MACROD2: variants seen among roughly 807,000 people sequenced by gnomAD.
MACROD2 encodes mono-ADP ribosylhydrolase 2, also known as ADP-ribose glycohydrolase MACROD2.
Under a neutral mutation model 70.4 loss-of-function variants are expected in MACROD2, and 36 were observed. The observed-to-expected ratio is 0.51, with a 90% CI of 0.39 to 0.68. The LOEUF (loss-of-function observed/expected upper bound fraction) is 0.68, where lower values mean the gene tolerates loss of function less well. Among genes scored for constraint, MACROD2 ranks in the 30% least tolerant of loss-of-function variants. The probability of loss-of-function intolerance (pLI) is 0.00; values close to 1 mark genes in which losing one functional copy is unlikely to be tolerated. For missense variants in MACROD2, 496 were observed against 538.4 expected (o/e 0.92, Z 0.78); for synonymous variants, 172 against 178.8 (o/e 0.96, Z 0.30).
intron 15 of MACROD2, among the ~76,000 whole-genome samples, chr20:16,000,259 A>G (rs1450615626): frequency 6.6e-6 from 1 of 152,208 alleles, no homozygotes; most frequent in Non-Finnish European, 1.5e-5. Flanking sequence ...CTTTGTCAAC[A>G]CACACAGACA....
intron 5 of MACROD2, among the ~76,000 whole-genome samples, chr20:15,125,963 TAA>T (rs2076063329): frequency 8.5e-4 from 126 of 147,398 alleles, no homozygotes; most frequent in Non-Finnish European, 1.4e-3. Flanking sequence ...CTGTTTTCTT[TAA>T]CTTAATGTTT....
chr20:14,282,738 A>G (rs6042648), intron 3 of MACROD2, among the ~76,000 whole-genome samples: 100,024 of 152,032 alleles, frequency 0.66, 33,779 homozygotes, highest in Non-Finnish European at 0.74. Context: ...GAGCAGGCGT[A>G]TCACATGGTG....
At chr20:14,968,332 T>C (rs2074657634) in intron 5 of MACROD2, among the ~76,000 whole-genome samples, 1 of 152,140 alleles carries the variant, frequency 6.6e-6, no homozygotes, top group Non-Finnish European at 1.5e-5. Flanking sequence ...CTCAGCCCTG[T>C]GTGGTCCTTT....
At chr20:15,292,323 T>G (rs768739037) in intron 6 of MACROD2, among the ~76,000 whole-genome samples, 5 of 152,236 alleles carry the variant, frequency 3.3e-5, no homozygotes, top group Non-Finnish European at 5.9e-5. Flanking sequence ...TAATGGCCAC[T>G]CATGCAGTTA....
At chr20:15,388,616 G>T (rs547380049) in intron 6 of MACROD2, among the ~76,000 whole-genome samples, 1 of 152,128 alleles carries the variant, frequency 6.6e-6, no homozygotes, top group Non-Finnish European at 1.5e-5. Context: ...ACAGTTATTT[G>T]CTAGATCAGC....
intron 5 of MACROD2, among the ~76,000 whole-genome samples, chr20:15,082,983 C>T (rs1024541433): frequency 2.0e-5 from 3 of 152,190 alleles, no homozygotes; most frequent in Non-Finnish European, 2.9e-5. Context: ...AAGTTTCGTT[C>T]ACCCTGAGAT....
chr20:15,078,555 A>T (rs1174899076), intron 5 of MACROD2, among the ~76,000 whole-genome samples: 5 of 151,902 alleles, frequency 3.3e-5, no homozygotes, highest in Admixed American at 3.3e-4. Context: ...TTTGAGAGAG[A>T]TATAAAAAAA....
chr20:15,860,643 A>G (rs1349223654), intron 8 of MACROD2, among the ~76,000 whole-genome samples: 1 of 152,180 alleles, frequency 6.6e-6, no homozygotes, highest in Admixed American at 6.5e-5. Context: ...CCATGTACCT[A>G]TCCCCATAGT....
At chr20:15,577,185 CTCTT>C (rs1190521516) in intron 8 of MACROD2, among the ~76,000 whole-genome samples, 3 of 150,100 alleles carry the variant, frequency 2.0e-5, no homozygotes, top group African/African-American at 7.5e-5. Context: ...GAAGCAATCA[CTCTT>C]TTTTTTTTTA....
intron 3 of MACROD2, among the ~76,000 whole-genome samples, chr20:14,108,457 A>G (rs1006396255): frequency 2.0e-5 from 3 of 151,368 alleles, no homozygotes; most frequent in Non-Finnish European, 4.4e-5. Flanking sequence ...ATCAAAAGAC[A>G]TAAAGTGGCT....
chr20:15,534,633 G>A (rs908046121), intron 8 of MACROD2, among the ~76,000 whole-genome samples: 7 of 152,080 alleles, frequency 4.6e-5, no homozygotes, highest in Non-Finnish European at 7.4e-5. Context: ...TGATAGATAT[G>A]TTTCATCAGT....
At chr20:15,020,655 C>T (rs1484864333) in intron 5 of MACROD2, among the ~76,000 whole-genome samples, 1 of 152,004 alleles carries the variant, frequency 6.6e-6, no homozygotes, top group African/African-American at 2.4e-5. Context: ...CTACTACACA[C>T]CTAGGCTATA....
chr20:14,563,838 G>GA (rs1414237075), intron 4 of MACROD2, among the ~76,000 whole-genome samples: 1 of 151,802 alleles, frequency 6.6e-6, no homozygotes. Flanking sequence ...CCCAGAATTA[G>GA]AAAAAACAAT....
chr20:14,335,565 A>G (rs2122637720), intron 3 of MACROD2, among the ~76,000 whole-genome samples: 1 of 152,324 alleles, frequency 6.6e-6, no homozygotes, highest in African/African-American at 2.4e-5. Flanking sequence ...CCAATTATAT[A>G]TCTCACAAAC....
intron 9 of MACROD2, among the ~76,000 whole-genome samples, chr20:15,879,672 TAGTC>T (rs1373803585): frequency 2.0e-5 from 3 of 152,252 alleles, no homozygotes; most frequent in Middle Eastern, 3.4e-3. Flanking sequence ...CCTTGTATAT[TAGTC>T]AGGTTTTTGC....
chr20:14,881,131 G>A (rs1457027285), intron 5 of MACROD2, among the ~76,000 whole-genome samples: 1 of 152,012 alleles, frequency 6.6e-6, no homozygotes, highest in African/African-American at 2.4e-5. Context: ...ATGAGAGGAT[G>A]TTGCAATGGA....
rs371633401 is a variant in MACROD2 at position 14,200,140 on chromosome 20, C to T, written c.271+114412C>T. On this transcript the variant is annotated intron_variant, in intron 3 of 17. Transcript: ENST00000684519. Reference sequence around the variant, plus strand: ...TGGAATCAACCTAAATGCCCATTAACGATAGACTGGATAAAGAAAAATCTG... The same window carrying T: ...TGGAATCAACCTAAATGCCCATTAATGATAGACTGGATAAAGAAAAATCTG... Among the ~76,000 whole-genome samples, 54 of 152,200 alleles carry T rather than the reference C, an allele frequency of 3.5e-4. 1 individual carries two copies. Among genetic ancestry groups the T allele is most frequent in the African/African-American group, 9.9e-4 (41 of 41,530 alleles).
chr20:14,781,698 A>G (rs1006093106), intron 5 of MACROD2, among the ~76,000 whole-genome samples: 3 of 151,838 alleles, frequency 2.0e-5, no homozygotes, highest in African/African-American at 7.3e-5. Context: ...AAATGTACAT[A>G]CAGAAAAATT....
At chr20:14,465,166 G>T (rs1389743032) in intron 3 of MACROD2, among the ~76,000 whole-genome samples, 1 of 152,050 alleles carries the variant, frequency 6.6e-6, no homozygotes, top group Non-Finnish European at 1.5e-5. Flanking sequence ...ATGTGTGGGA[G>T]TCTAAGTCTC....
Sources: allele counts gnomAD v4.1 joint callset (sites outside exome capture counted in the v4.1 genomes callset), GRCh38; gene constraint gnomAD v4.1.1; transcripts MANE v1.5; gene names NCBI Gene and HGNC (gene_info 2026-07-23, HGNC 2026-07-21).